Variants in MYH8 observed in about 807,000 individuals in gnomAD.
MYH8 encodes myosin heavy chain 8.
Under a neutral mutation model 233.2 loss-of-function variants are expected in MYH8, and 168 were observed. The ratio of observed to expected loss-of-function variants is 0.72; its 90% CI spans 0.64 to 0.82. The LOEUF (loss-of-function observed/expected upper bound fraction) is 0.82. Among genes scored for constraint, MYH8 ranks in the 40% least tolerant of loss-of-function variants. MYH8 has a pLI of 0.00. For synonymous variants in MYH8, 785 were observed against 850.6 expected (o/e 0.92, Z 1.34); for missense variants, 1,995 against 2,327.8 (o/e 0.86, Z 2.94).
chr17:10,395,688 TAATTA>T (rs1439640046), intron 33 of MYH8, among the ~76,000 whole-genome samples: 1 of 152,090 alleles, frequency 6.6e-6, no homozygotes, highest in African/African-American at 2.4e-5. Flanking sequence ...TAAAATTATA[TAATTA>T]AATTCATGTA....
intron 38 of MYH8, among the ~76,000 whole-genome samples, 181 bp from the exon 39 acceptor site, chr17:10,392,158 G>A (rs956686422): frequency 6.6e-6 from 1 of 152,162 alleles, no homozygotes; most frequent in African/African-American, 2.4e-5. Context: ...TGCAGGTACT[G>A]TATTAGAGAA....
Position 10,404,726 on chromosome 17 carries a change from T to TAC in MYH8, c.2433-143_2433-142dup, listed in dbSNP as rs60545187. On this transcript the variant is annotated intron_variant, in intron 21 of 39. Coordinates refer to ENST00000403437, the MANE Select transcript of MYH8 (RefSeq NM_002472.3). ...TTCTCTATATATTATATGCAGGCTT[T>TAC]ACACACACACACACACACACACACA... 3,273 of 776,046 alleles carry TAC rather than the reference T, an allele frequency of 4.2e-3. 5 individuals carry two copies. The highest frequency in any genetic ancestry group is 0.027 in the East Asian group (947 of 35,156). 48.1% of individuals were successfully genotyped at this position (776,046 alleles called of 1,614,324 possible).
chr17:10,396,777 C>T lies in MYH8; in HGVS notation c.4362+26G>A. 6.2e-7 allele frequency: 1 copy of T among 1,614,204 alleles called. No individual in the cohort carries two copies. Among genetic ancestry groups the T allele is most frequent in the Non-Finnish European group, 8.5e-7 (1 of 1,180,042 alleles). On this transcript the variant is annotated intron_variant, in intron 31 of 39. Transcript: ENST00000403437. This position sits in a 1 kb window ranked among gnomAD's most constrained non-coding sequence, Gnocchi z 4.2. ...AGAAAGGAAGACCGAGTAAAACACT[C>T]TTAAAGTTTAAGCAGTCTGGGCCAC... is the stretch of plus-strand genomic sequence containing the variant.
In MYH8 at chr17:10,406,083, C is replaced by G. The variant is rs758230635; in HGVS notation, c.2390G>C (p.Gly797Ala). ...IITRTQAVCR[G>A]FLMRVEYQKM... ...CTGATATTCTACCCTCATTAGGAAT[C>G]CCCTACAGACAGCTTGTGTTCTTGT... Residue 797 changes from glycine to alanine, a missense_variant, in exon 21 of 40, where the codon GGA becomes GCA. Coordinates refer to ENST00000403437, the MANE Select transcript of MYH8 (RefSeq NM_002472.3). The G allele has an allele frequency of 6.2e-7, 1 of 1,614,076 alleles. No individual in the cohort carries two copies. Among genetic ancestry groups the G allele is most frequent in the South Asian group, 1.1e-5 (1 of 91,082 alleles).
At chr17:10,392,709 C>CT in intron 37 of MYH8, 63 bp from the exon 38 acceptor site, 5 of 1,612,526 alleles carry the variant, frequency 3.1e-6, no homozygotes, top group Non-Finnish European at 4.2e-6. Context: ...CCAAGACCTA[C>CT]TGAAGGCATG....
chr17:10,406,862 C>A (rs756507899), intron 18 of MYH8, 30 bp downstream of exon 18: 2 of 1,611,182 alleles, frequency 1.2e-6, no homozygotes, highest in East Asian at 4.5e-5. Flanking sequence ...AACCTGTGCC[C>A]GTTTGATTAT....
Position 10,394,503 on chromosome 17 carries a change from G to A in MYH8, c.4963-51C>T, listed in dbSNP as rs1443680177. On this transcript the variant is annotated intron_variant, in intron 34 of 39. Coordinates refer to ENST00000403437, the MANE Select transcript of MYH8 (RefSeq NM_002472.3). ...TTAAGTGTTCTGAAGAGGATTTGAAGATCCCAGGAGATGAACTGGGAGATT... is the reference window on the plus strand; with the variant it reads ...TTAAGTGTTCTGAAGAGGATTTGAAAATCCCAGGAGATGAACTGGGAGATT... 4 of 1,587,986 alleles carry A rather than the reference G, an allele frequency of 2.5e-6. No individual in the cohort carries two copies. The African/African-American group carries it at 5.4e-5, about 21-fold the overall frequency.
In MYH8 at chr17:10,411,010, G is replaced by GA. The variant is rs995950635; in HGVS notation, c.1417-64dup. 2.1e-5 allele frequency: 34 copies of GA among 1,611,246 alleles called. No individual in the cohort carries two copies. In the East Asian group the frequency reaches 7.6e-4, roughly 36 times the overall value. ...TTTTATAGTAGTAAAATTCATTACT[G>GA]AAAAAATTCTTTTATTGAAAAAATG... On this transcript the variant is annotated intron_variant, in intron 14 of 39. Transcript: ENST00000403437.
At chr17:10,399,785 A>G in intron 27 of MYH8, 116 bp from the exon 28 acceptor site, 1 of 1,427,070 alleles carries the variant, frequency 7.0e-7, no homozygotes, top group South Asian at 1.2e-5. Context: ...GTAGAAAGTT[A>G]GGACATCAAC....
At chr17:10,402,128 G>A (rs894022099) in intron 22 of MYH8, among the ~76,000 whole-genome samples, 1 of 152,018 alleles carries the variant, frequency 6.6e-6, no homozygotes, top group African/African-American at 2.4e-5. Context: ...TGGGCAAATT[G>A]CTTTATTCCT....
rs1043670011 is a variant in MYH8, at chr17:10,406,311, T to G, written c.2258A>C (p.Asp753Ala). The change falls in exon 20 of 40, where the codon GAT becomes GCT. Residue 753 changes from aspartate to alanine, a missense_variant. By Grantham distance (126) the Asp-to-Ala change is moderately radical (BLOSUM62 -2). This residue lies in a region of MYH8 where 1,498 missense variants were observed against 1,680.9 expected (regional missense o/e 0.89). Coordinates refer to ENST00000403437, the MANE Select transcript of MYH8 (RefSeq NM_002472.3). Reference protein sequence around the residue: ...KASEKLLASIDIDHTQYKFGH... With the variant: ...KASEKLLASIAIDHTQYKFGH... ...AAATTTATATTGAGTATGATCAATA[T>G]CAATAGATGCAAGAAGTTTCTCAGA... The G allele has an allele frequency of 6.2e-7, 1 of 1,613,828 alleles. No individual in the cohort carries two copies. Among genetic ancestry groups the G allele is most frequent in the Non-Finnish European group, 8.5e-7 (1 of 1,179,854 alleles).
chr17:10,418,612 A>C (rs1400858198), intron 5 of MYH8, 33 bp downstream of exon 5: 1 of 1,613,154 alleles, frequency 6.2e-7, no homozygotes, highest in Non-Finnish European at 8.5e-7. Flanking sequence ...TTCTATTTAC[A>C]CATTTCTGTA....
At position 10,400,616 on chromosome 17, in the gene MYH8, C is replaced by T. The variant is rs746087794; in HGVS notation, c.3509G>A (p.Arg1170Gln). 1.9e-5 allele frequency: 30 copies of T among 1,614,094 alleles called. No individual in the cohort carries two copies. The highest frequency in any genetic ancestry group is 1.1e-5 in the South Asian group (1 of 91,084). The change falls in exon 27 of 40, where the codon CGG (arginine) becomes CAG (glutamine). Residue 1170 changes from arginine to glutamine, a missense_variant. Coordinates refer to ENST00000403437, the MANE Select transcript of MYH8 (RefSeq NM_002472.3). This position sits in a 1 kb window ranked among gnomAD's most constrained non-coding sequence, Gnocchi z 4.0. ...TSAQVELNKK[R>Q]EAEFQKLRRD... Reference sequence around the variant, plus strand: ...GCGCAGTTTCTGAAACTCAGCCTCCCGCTTCTTGTTCAATTCCACCTGAGC... The same window carrying T: ...GCGCAGTTTCTGAAACTCAGCCTCCTGCTTCTTGTTCAATTCCACCTGAGC...
At chr17:10,399,437 T>C (rs2072112979) in intron 28 of MYH8, 106 bp downstream of exon 28, 1 of 1,584,878 alleles carries the variant, frequency 6.3e-7, no homozygotes, top group Non-Finnish European at 8.6e-7. Flanking sequence ...CAAACTCTGA[T>C]CATTTGTTTA....
rs371556070 is a variant in MYH8, at chr17:10,390,532, C to G, written c.5736G>C (p.Arg1912=). 12 of 1,614,036 alleles carry G rather than the reference C, an allele frequency of 7.4e-6. No individual in the cohort carries two copies. The African/African-American group carries it at 1.1e-4, about 14-fold the overall frequency. ...TGACCTGGGACTCAGCAATGTCAGC[C>G]CGTTCCTCGGCCTCCTCCAGCTCAT... is the stretch of plus-strand genomic sequence containing the variant. ...LQHELEEAEE[R]ADIAESQVNK... is the part of the protein sequence containing the mutation. Residue 1912 remains arginine, a synonymous_variant, in exon 40 of 40, where the codon CGG becomes CGC. Coordinates refer to ENST00000403437, the MANE Select transcript of MYH8 (RefSeq NM_002472.3).
rs768737214 is a variant in MYH8 at position 10,418,752 on chromosome 17, G to A, written c.404C>T (p.Pro135Leu). ...AGCCACCACCTCGGGCTTGTACACC[G>A]GCAGCCACTTGTAGGGGTTGACGGT... ...CVTVNPYKWL[P>L]VYKPEVVAAY... The change falls in exon 5 of 40, where the codon CCG becomes CTG. Residue 135 changes from proline to leucine, a missense_variant. Physicochemically the swap from Pro to Leu is moderately conservative, Grantham distance 98. Around this residue, in one of 3 missense-constraint regions of MYH8, gnomAD observed 479 missense variants for 600.9 expected, o/e 0.80. Transcript: ENST00000403437. 12 of 1,613,768 alleles carry A rather than the reference G, an allele frequency of 7.4e-6. No individual in the cohort carries two copies. The Admixed American group carries it at 1.5e-4, about 20-fold the overall frequency.
rs769458253 is a variant in MYH8 at position 10,420,188 on chromosome 17, C to T, written c.40G>A (p.Glu14Lys). 9.3e-6 allele frequency: 15 copies of T among 1,613,726 alleles called. No individual in the cohort carries two copies. The highest frequency in any genetic ancestry group is 1.3e-5 in the African/African-American group (1 of 74,936). ...GATTTTCGAAGGTAGGGAGCAGCTT[C>T]GCCAAAAACAGCCATCTCAGCGTCT... The part of the protein sequence containing the change: ...SSDAEMAVFG[E>K]AAPYLRKSEK... The change falls in exon 3 of 40, where the codon GAA (glutamate) becomes AAA (lysine). Residue 14 changes from glutamate to lysine, a missense_variant. Coordinates refer to ENST00000403437, the MANE Select transcript of MYH8 (RefSeq NM_002472.3).
chr17:10,398,984 A>ATG lies in MYH8; in HGVS notation c.3863-100_3863-99dup, dbSNP rs746761681. 0.019 allele frequency: 9,459 copies of ATG among 501,230 alleles called. 277 individuals are homozygous for ATG. Among genetic ancestry groups the ATG allele is most frequent in the African/African-American group, 0.028 (889 of 32,078 alleles). The allele number at this position is 501,230 out of a possible 1,614,324, so 31.0% of individuals were successfully genotyped here. A position where few individuals can be genotyped will look rare whatever the true frequency, so the allele number is the denominator to read the frequency against. ...TGTGTGTGTATATATATATGTATAT[A>ATG]TGTGTGTGTGTATATATATATATAT... On this transcript the variant is annotated intron_variant, in intron 28 of 39. Transcript: ENST00000403437.
chr17:10,393,691 C>A (rs145286204), intron 35 of MYH8, among the ~76,000 whole-genome samples: 118 of 152,234 alleles, frequency 7.8e-4, no homozygotes, highest in African/African-American at 2.6e-3. Flanking sequence ...TAGAGAGAAG[C>A]AATATCGTCT....
Sources: gnomAD v4.1 joint callset for allele counts (sites outside exome capture counted in the v4.1 genomes callset) on GRCh38, gnomAD v4.1.1 for gene constraint, gnomAD v4.1.1 regional missense constraint, Gnocchi (gnomAD v3.1) non-coding constraint, MANE v1.5 for transcripts, NCBI Gene and HGNC (gene_info 2026-07-23, HGNC 2026-07-21) for gene names.